COL25A1: variants seen among roughly 807,000 people sequenced by gnomAD.
The protein encoded by COL25A1 is collagen type XXV alpha 1 chain.
Under a neutral mutation model 128.4 loss-of-function variants are expected in COL25A1, and 103 were observed. That is an observed-to-expected ratio of 0.80 (90% CI 0.68 to 0.94). The LOEUF (loss-of-function observed/expected upper bound fraction) is 0.94. Among genes scored for constraint, COL25A1 ranks in the 40% least tolerant of loss-of-function variants. The pLI, the probability that COL25A1 is intolerant of heterozygous loss-of-function variation, is 0.00. For missense variants in COL25A1, 745 were observed against 840.0 expected (o/e 0.89, Z 1.40); for synonymous variants, 279 against 277.2 (o/e 1.01, Z -0.06).
chr4:109,075,996 TATC>T lies in COL25A1; in HGVS notation c.368-25820_368-25818del, dbSNP rs572794084. ...TGAACATGTGCAGACTTTTCTTTTT[TATC>T]ATTATTCCCTAAACAGTATAGTATA... On this transcript the variant is annotated intron_variant, in intron 3 of 37. Transcript: ENST00000399132. Among the ~76,000 whole-genome samples the T allele has an allele frequency of 2.4e-4, 37 of 152,348 alleles. No individual in the cohort carries two copies. In the East Asian group the frequency reaches 6.2e-3, roughly 25 times the overall value.
chr4:109,104,728 AAG>A lies in COL25A1; in HGVS notation c.368-54551_368-54550del, dbSNP rs536900049. ...CTAATTTCTTCAACAACAGAAAAAA[AAG>A]AGAGAGAGAGGCAACCTATAAATTA... On this transcript the variant is annotated intron_variant, in intron 3 of 37. Transcript: ENST00000399132. Among the ~76,000 whole-genome samples the A allele has an allele frequency of 2.0e-4, 31 of 152,248 alleles. No individual in the cohort carries two copies. The South Asian group carries it at 6.0e-3, about 29-fold the overall frequency.
rs77133687 is a variant in COL25A1, at chr4:108,962,639, G to A, written c.492+11728C>T. Among the ~76,000 whole-genome samples, 1,467 of 152,082 alleles carry A rather than the reference G, an allele frequency of 9.6e-3. 26 individuals carry two copies. Among genetic ancestry groups the A allele is most frequent in the African/African-American group, 0.033 (1,382 of 41,480 alleles). On this transcript the variant is annotated intron_variant, in intron 8 of 37. Coordinates refer to ENST00000399132, the MANE Select transcript of COL25A1 (RefSeq NM_198721.4). ...TCACTGACTCTTGTCAACCAGATTC[G>A]TGCTAAATTCACAAGCTTATAAAGC...
intron 3 of COL25A1, among the ~76,000 whole-genome samples, chr4:109,264,594 G>A (rs1781669743): frequency 6.6e-6 from 1 of 152,184 alleles, no homozygotes; most frequent in Admixed American, 6.5e-5. Context: ...TCAAGTGTCT[G>A]GTGTGAACGA....
intron 3 of COL25A1, among the ~76,000 whole-genome samples, chr4:109,114,601 G>T (rs1426707369): frequency 6.6e-6 from 1 of 151,972 alleles, no homozygotes. Context: ...TGTGCATCCT[G>T]GGAATTACAA....
chr4:109,037,936 A>G (rs1271559220), intron 5 of COL25A1, among the ~76,000 whole-genome samples: 1 of 152,246 alleles, frequency 6.6e-6, no homozygotes, highest in Non-Finnish European at 1.5e-5. Flanking sequence ...CTGCCAAGTT[A>G]CAAGGTTATA....
At chr4:108,828,372 T>A (rs1732641489) in intron 32 of COL25A1, among the ~76,000 whole-genome samples, 1 of 152,020 alleles carries the variant, frequency 6.6e-6, no homozygotes, top group Non-Finnish European at 1.5e-5. Context: ...TGATTTCAGG[T>A]GATCCACCCA....
intron 8 of COL25A1, among the ~76,000 whole-genome samples, chr4:108,944,629 A>G (rs1049609368): frequency 7.9e-5 from 12 of 152,132 alleles, no homozygotes; most frequent in Non-Finnish European, 1.5e-4. Context: ...TGTGTAAATA[A>G]GTCACTTCTT....
At chr4:109,168,917 G>A (rs1773314824) in intron 3 of COL25A1, among the ~76,000 whole-genome samples, 1 of 152,070 alleles carries the variant, frequency 6.6e-6, no homozygotes, top group African/African-American at 2.4e-5. Context: ...GAGCAGCTTA[G>A]CATTTCTCTG....
At chr4:109,230,098 C>T (rs768323270) in intron 3 of COL25A1, among the ~76,000 whole-genome samples, 10 of 152,124 alleles carry the variant, frequency 6.6e-5, no homozygotes, top group Non-Finnish European at 1.2e-4. Flanking sequence ...ATGAGGGATC[C>T]GCCTCCATGA....
intron 3 of COL25A1, among the ~76,000 whole-genome samples, chr4:109,232,426 T>C (rs1779220585): frequency 1.3e-5 from 2 of 152,296 alleles, no homozygotes; most frequent in Middle Eastern, 3.4e-3. Flanking sequence ...GTGGCTGAAA[T>C]TTTGATTCAC....
At position 108,978,263 on chromosome 4, in the gene COL25A1, C is replaced by A. The variant is rs561625337; in HGVS notation, c.439-3704G>T. Among the ~76,000 whole-genome samples the A allele has an allele frequency of 3.9e-5, 6 of 152,336 alleles. No homozygotes were observed. In the East Asian group the frequency reaches 1.2e-3, roughly 29 times the overall value. ...GGTCAACCTCCATGCACAGCTGCAG[C>A]GGCTGCTTCGGACGCTCCGGCCCCG... On this transcript the variant is annotated intron_variant, in intron 6 of 37. Transcript: ENST00000399132.
intron 3 of COL25A1, among the ~76,000 whole-genome samples, chr4:109,138,356 T>G (rs1008278003): frequency 2.0e-5 from 3 of 152,212 alleles, no homozygotes; most frequent in Non-Finnish European, 4.4e-5. Context: ...ATGGCGTATA[T>G]GTGCCACATT....
chr4:109,147,611 G>A lies in COL25A1; in HGVS notation c.368-97432C>T, dbSNP rs185072921. Among the ~76,000 whole-genome samples, 231 of 152,222 alleles carry A rather than the reference G, an allele frequency of 1.5e-3. 2 individuals are homozygous for A. Among genetic ancestry groups the A allele is most frequent in the Admixed American group, 3.6e-3 (55 of 15,292 alleles). Reference sequence around the variant, plus strand: ...GAGGGCAGATCACTTGAGGTCAGGAGTTCGAGACCAGCCTGGCCAATGTGG... The same window carrying A: ...GAGGGCAGATCACTTGAGGTCAGGAATTCGAGACCAGCCTGGCCAATGTGG... On this transcript the variant is annotated intron_variant, in intron 3 of 37. Coordinates refer to ENST00000399132, the MANE Select transcript of COL25A1 (RefSeq NM_198721.4).
intron 8 of COL25A1, among the ~76,000 whole-genome samples, chr4:108,950,907 G>A (rs1043480212): frequency 2.0e-5 from 3 of 152,294 alleles, no homozygotes; most frequent in East Asian, 1.9e-4. Flanking sequence ...CTGGTTAGAG[G>A]AGCAGGCAGT....
At chr4:109,268,887 C>T (rs1781977313) in intron 3 of COL25A1, among the ~76,000 whole-genome samples, 2 of 152,080 alleles carry the variant, frequency 1.3e-5, no homozygotes, top group African/African-American at 2.4e-5. Context: ...ATGGTTACCT[C>T]ACTGTTACCA....
Position 108,812,112 on chromosome 4 carries a change from A to T in COL25A1, c.*1815T>A, listed in dbSNP as rs1324133187. ...CAATGTAACACTTCCACTTAGAATA[A>T]GCCATTTCAAAACACGCTACCAACT... is the stretch of plus-strand genomic sequence containing the variant. On this transcript the variant is annotated 3_prime_UTR_variant, in exon 38 of 38. Transcript: ENST00000399132. The T allele has an allele frequency of 1.3e-5, 2 of 152,208 alleles. No homozygotes were observed. The highest frequency in any genetic ancestry group is 2.9e-5 in the Non-Finnish European group (2 of 68,026). 9.4% of individuals were successfully genotyped at this position (152,208 alleles called of 1,614,324 possible).
intron 3 of COL25A1, among the ~76,000 whole-genome samples, chr4:109,219,232 C>T (rs1320289666): frequency 6.6e-6 from 1 of 152,040 alleles, no homozygotes; most frequent in Non-Finnish European, 1.5e-5. Context: ...TCTATAAACT[C>T]ATTATTTTAC....
intron 37 of COL25A1, among the ~76,000 whole-genome samples, chr4:108,815,464 T>C (rs1241827725): frequency 6.6e-6 from 1 of 152,320 alleles, no homozygotes; most frequent in African/African-American, 2.4e-5. Context: ...CTAAATTGTT[T>C]CTTTCCTTTC....
intron 6 of COL25A1, among the ~76,000 whole-genome samples, chr4:109,003,947 T>C (rs1250018851): frequency 6.6e-6 from 1 of 152,222 alleles, no homozygotes; most frequent in Admixed American, 6.5e-5. Context: ...TCCCTTTCTT[T>C]TCCTCTCCAA....
Sources: allele counts gnomAD v4.1 joint callset (sites outside exome capture counted in the v4.1 genomes callset), GRCh38; gene constraint gnomAD v4.1.1; transcripts MANE v1.5; gene names NCBI Gene and HGNC (gene_info 2026-07-23, HGNC 2026-07-21).